Variants in CPNE4 observed in about 807,000 individuals in gnomAD.
The protein encoded by CPNE4 is copine 4.
Under a neutral mutation model 67.9 loss-of-function variants are expected in CPNE4, and 25 were observed. That is an observed-to-expected ratio of 0.37 (90% CI 0.27 to 0.51). CPNE4 has a LOEUF of 0.51. CPNE4 is among the 20% of genes least tolerant of loss of function. The pLI is 0.93. For missense variants in CPNE4, 464 were observed against 690.8 expected (o/e 0.67, Z 3.68); for synonymous variants, 242 against 244.9 (o/e 0.99, Z 0.11).
chr3:131,731,897 T>C (rs1398727509), intron 2 of CPNE4, among the ~76,000 whole-genome samples: 4 of 152,180 alleles, frequency 2.6e-5, no homozygotes, highest in Non-Finnish European at 5.9e-5. Flanking sequence ...TCAACATATA[T>C]ACTAGTAATT....
chr3:131,842,656 C>A (rs757108024), intron 2 of CPNE4, among the ~76,000 whole-genome samples: 2 of 150,896 alleles, frequency 1.3e-5, no homozygotes, highest in Non-Finnish European at 2.9e-5. Flanking sequence ...TGACAGTTAC[C>A]TCCAACAGGC....
At chr3:131,703,768 T>C (rs1057381742) in intron 3 of CPNE4, among the ~76,000 whole-genome samples, 2 of 152,198 alleles carry the variant, frequency 1.3e-5, no homozygotes, top group African/African-American at 4.8e-5. Flanking sequence ...CAGATATTTA[T>C]TGAATACTTT....
chr3:132,010,989 G>T (rs1426391448), intron 1 of CPNE4, among the ~76,000 whole-genome samples: 1 of 152,104 alleles, frequency 6.6e-6, no homozygotes, highest in East Asian at 1.9e-4. Flanking sequence ...TGTCTCAAAG[G>T]ACCTCCAAAT....
At chr3:131,806,705 C>T (rs965070027) in intron 2 of CPNE4, among the ~76,000 whole-genome samples, 12 of 151,226 alleles carry the variant, frequency 7.9e-5, no homozygotes, top group African/African-American at 2.9e-4. Flanking sequence ...CTTTTAGAAG[C>T]CACAAACTAC....
intron 1 of CPNE4, among the ~76,000 whole-genome samples, chr3:131,984,802 G>C (rs2073002973): frequency 6.6e-6 from 1 of 152,136 alleles, no homozygotes; most frequent in Non-Finnish European, 1.5e-5. Context: ...GTCTTCTAGG[G>C]AGATACCTCT....
At chr3:131,665,680 CAAACAAAA>C (rs1422860302) in intron 7 of CPNE4, among the ~76,000 whole-genome samples, 2 of 150,926 alleles carry the variant, frequency 1.3e-5, no homozygotes, top group African/African-American at 4.9e-5. Context: ...AACAAACAAA[CAAACAAAA>C]AACAGAAAGA....
At chr3:131,615,215 C>A (rs558368183) in intron 7 of CPNE4, among the ~76,000 whole-genome samples, 3 of 152,010 alleles carry the variant, frequency 2.0e-5, no homozygotes, top group East Asian at 1.9e-4. Flanking sequence ...CACTGTTTAC[C>A]AAGACATGGA....
chr3:131,979,291 T>A (rs1019564957), intron 1 of CPNE4, among the ~76,000 whole-genome samples: 5 of 152,284 alleles, frequency 3.3e-5, no homozygotes, highest in African/African-American at 4.8e-5. Context: ...GTCTTAAAGT[T>A]TCCCACTACT....
Position 131,603,917 on chromosome 3 carries a change from G to T in CPNE4, c.682-16335C>A, listed in dbSNP as rs544855655. Among the ~76,000 whole-genome samples the T allele has an allele frequency of 2.6e-5, 4 of 152,250 alleles. No homozygotes were observed. The East Asian group carries it at 7.7e-4, about 29-fold the overall frequency. ...CCAGGGGCTAAAGGCTGTCTTACCT[G>T]GAGAAAGAACTGGACTTAATATTCC... is the stretch of plus-strand genomic sequence containing the variant. On this transcript the variant is annotated intron_variant, in intron 7 of 15. Coordinates refer to ENST00000429747, the MANE Select transcript of CPNE4 (RefSeq NM_130808.3).
chr3:131,861,878 A>G (rs924369617), intron 2 of CPNE4, among the ~76,000 whole-genome samples: 1 of 152,234 alleles, frequency 6.6e-6, no homozygotes, highest in African/African-American at 2.4e-5. Flanking sequence ...AAAATGCACA[A>G]AAGATAAATA....
chr3:131,959,895 A>G (rs1184115083), intron 1 of CPNE4, among the ~76,000 whole-genome samples: 5 of 152,208 alleles, frequency 3.3e-5, no homozygotes, highest in Admixed American at 3.3e-4. Flanking sequence ...TTTCTTTTTA[A>G]TGACTAGCCC....
In CPNE4 at chr3:131,596,438, C is replaced by T. The variant is rs1341641009; in HGVS notation, c.682-8856G>A. 1.3e-4 allele frequency among the ~76,000 whole-genome samples: 15 copies of T among 119,872 alleles called. 1 individual carries two copies. The highest frequency in any genetic ancestry group is 1.9e-4 in the African/African-American group (5 of 26,226). The allele number at this position is 119,872 out of a possible 152,430, so 78.6% of individuals were successfully genotyped here. Reference sequence around the variant, plus strand: ...GAGATCGAGACCATCCCGGCTAAAACGGTGAAACCCCGTCTCTACTAAAAA... The same window carrying T: ...GAGATCGAGACCATCCCGGCTAAAATGGTGAAACCCCGTCTCTACTAAAAA... On this transcript the variant is annotated intron_variant, in intron 7 of 15. Transcript: ENST00000429747.
intron 2 of CPNE4, among the ~76,000 whole-genome samples, chr3:131,823,128 T>C: frequency 6.6e-6 from 1 of 152,232 alleles, no homozygotes; most frequent in Non-Finnish European, 1.5e-5. Context: ...CATGAGCCAC[T>C]GCGCCCGGTC....
chr3:132,023,152 C>G (rs1285722087), intron 1 of CPNE4, among the ~76,000 whole-genome samples: 2 of 152,170 alleles, frequency 1.3e-5, no homozygotes, highest in Non-Finnish European at 1.5e-5. Flanking sequence ...GTCGTTAACC[C>G]ATAATTCAGC....
At chr3:131,584,386 A>C (rs1938041391) in intron 8 of CPNE4, among the ~76,000 whole-genome samples, 1 of 152,194 alleles carries the variant, frequency 6.6e-6, no homozygotes, top group Non-Finnish European at 1.5e-5. Context: ...TTACCTCAGG[A>C]AATGGCACAA....
intron 10 of CPNE4, among the ~76,000 whole-genome samples, chr3:131,574,659 G>T (rs1937506150): frequency 6.6e-6 from 1 of 152,068 alleles, no homozygotes; most frequent in African/African-American, 2.4e-5. Flanking sequence ...TTGGTGCTGT[G>T]GTCTAGTCAC....
intron 1 of CPNE4, among the ~76,000 whole-genome samples, chr3:131,916,403 G>A (rs16838077): frequency 0.013 from 1,916 of 149,852 alleles, 24 homozygotes; most frequent in Non-Finnish European, 0.022. Flanking sequence ...AGGGAGAAAC[G>A]ACAGACAACA....
intron 9 of CPNE4, among the ~76,000 whole-genome samples, chr3:131,580,268 A>C (rs1219104323): frequency 6.6e-6 from 1 of 152,204 alleles, no homozygotes; most frequent in Non-Finnish European, 1.5e-5. Flanking sequence ...TTGTATACTT[A>C]ATAGACTACA....
chr3:131,965,781 C>G (rs910295539), intron 1 of CPNE4, among the ~76,000 whole-genome samples: 1 of 152,156 alleles, frequency 6.6e-6, no homozygotes, highest in African/African-American at 2.4e-5. Flanking sequence ...TAGTGGGAGA[C>G]TTTAACACCC....
Sources: allele counts gnomAD v4.1 joint callset (sites outside exome capture counted in the v4.1 genomes callset), GRCh38; gene constraint gnomAD v4.1.1; transcripts MANE v1.5; gene names NCBI Gene and HGNC (gene_info 2026-07-23, HGNC 2026-07-21).